The following SH3PXD2A variants were observed in gnomAD, a reference collection of about 807,000 sequenced individuals.
SH3PXD2A encodes the protein SH3 and PX domains 2A.
A neutral mutation model predicts 115.2 loss-of-function variants in SH3PXD2A; 32 were observed. The observed-to-expected ratio is 0.28, with a 90% CI of 0.21 to 0.37. SH3PXD2A has a LOEUF of 0.37. SH3PXD2A is among the 10% of genes least tolerant of loss of function. The pLI is 1.00. For synonymous variants in SH3PXD2A, 610 were observed against 629.1 expected, an observed-to-expected ratio of 0.97 and a Z score of 0.45; for missense variants, 1,328 against 1,498.7, an observed-to-expected ratio of 0.89 and a Z score of 1.88.
At chr10:103,615,483 G>GGAGT (rs1237824774) in intron 11 of SH3PXD2A, among the ~76,000 whole-genome samples, 1 of 128,524 alleles carries the variant, frequency 7.8e-6, no homozygotes, top group East Asian at 2.3e-4. Flanking sequence ...AGAGTGCGAG[G>GGAGT]GTGTGTGTGT....
intron 1 of SH3PXD2A, among the ~76,000 whole-genome samples, chr10:103,819,102 C>T (rs531469319): frequency 3.3e-5 from 5 of 152,310 alleles, no homozygotes; most frequent in African/African-American, 4.8e-5. Flanking sequence ...AGTCCAGTCC[C>T]GTCAAGAAGG....
intron 14 of SH3PXD2A, among the ~76,000 whole-genome samples, chr10:103,604,345 C>T (rs1322447094): frequency 6.6e-6 from 1 of 152,212 alleles, no homozygotes; most frequent in African/African-American, 2.4e-5. Context: ...TTACTGGAAT[C>T]CCACTGAAAT....
chr10:103,770,509 C>T (rs1486214701), intron 2 of SH3PXD2A, among the ~76,000 whole-genome samples: 1 of 152,224 alleles, frequency 6.6e-6, no homozygotes, highest in Non-Finnish European at 1.5e-5. Context: ...GACACGTCAG[C>T]ATTCTCAATC....
intron 4 of SH3PXD2A, among the ~76,000 whole-genome samples, chr10:103,730,561 T>C (rs569742167): frequency 5.3e-5 from 8 of 152,114 alleles, no homozygotes; most frequent in Non-Finnish European, 1.2e-4. Flanking sequence ...GAGCAGCGAC[T>C]CCCCTTGAAA....
At chr10:103,659,332 G>C (rs1036208222) in intron 8 of SH3PXD2A, among the ~76,000 whole-genome samples, 1 of 152,162 alleles carries the variant, frequency 6.6e-6, no homozygotes, top group African/African-American at 2.4e-5. Flanking sequence ...AGGCAGGCGT[G>C]GTGGGAGAAC....
At chr10:103,773,359 A>G (rs1290340617) in intron 2 of SH3PXD2A, among the ~76,000 whole-genome samples, 2 of 152,104 alleles carry the variant, frequency 1.3e-5, no homozygotes, top group Non-Finnish European at 1.5e-5. Context: ...CCTGTGTTAC[A>G]TGCAGGGGAC....
intron 1 of SH3PXD2A, among the ~76,000 whole-genome samples, chr10:103,840,069 G>T (rs1395491218): frequency 6.6e-6 from 1 of 152,368 alleles, no homozygotes; most frequent in Admixed American, 6.5e-5. Flanking sequence ...TGACAGACTG[G>T]CAGAGGCAGA....
At chr10:103,630,021 G>A (rs2036755086) in intron 8 of SH3PXD2A, among the ~76,000 whole-genome samples, 2 of 152,206 alleles carry the variant, frequency 1.3e-5, no homozygotes, top group Non-Finnish European at 2.9e-5. Flanking sequence ...CAATTCCCCT[G>A]CCTTTTGCCT....
At chr10:103,668,694 CCA>C in intron 6 of SH3PXD2A, 42 bp from the exon 7 acceptor site, 5 of 1,415,364 alleles carry the variant, frequency 3.5e-6, no homozygotes, top group Non-Finnish European at 4.6e-6. Flanking sequence ...GAGAGGAGAA[CCA>C]GAGAGAGAGA....
intron 7 of SH3PXD2A, chr10:103,661,528 C>T (rs2037302795): frequency 1.4e-5 from 6 of 433,378 alleles, no homozygotes; most frequent in Non-Finnish European, 1.8e-5. Flanking sequence ...CCGGCAGGGG[C>T]ATCGGGGAGG....
At chr10:103,729,124 G>T (rs1206014763) in intron 4 of SH3PXD2A, among the ~76,000 whole-genome samples, 1 of 152,076 alleles carries the variant, frequency 6.6e-6, no homozygotes, top group Non-Finnish European at 1.5e-5. Context: ...TCGAACTCCT[G>T]ACCTCAAGTA....
intron 7 of SH3PXD2A, chr10:103,662,017 C>T (rs1312496587): frequency 1.1e-6 from 1 of 934,784 alleles, no homozygotes; most frequent in Non-Finnish European, 1.3e-6. Flanking sequence ...GGCCTGCCCC[C>T]AGCCCTGCTT....
chr10:103,718,894 C>T (rs535374922), intron 5 of SH3PXD2A, among the ~76,000 whole-genome samples: 6 of 152,188 alleles, frequency 3.9e-5, no homozygotes, highest in Non-Finnish European at 5.9e-5. Flanking sequence ...TAAATCCTAA[C>T]GCCCAAGGTG....
intron 8 of SH3PXD2A, 22 bp downstream of exon 8, chr10:103,660,961 G>A (rs1460897342): frequency 1.9e-6 from 3 of 1,613,086 alleles, no homozygotes; most frequent in Non-Finnish European, 2.5e-6. Context: ...CCCAGTGGAC[G>A]GCCATTGGCC....
rs142382313 is a variant in SH3PXD2A, at chr10:103,602,120, G to A, written c.3098C>T (p.Ala1033Val). Residue 1033 changes from alanine (A) to valine (V), a missense_variant, in exon 15 of 15, where the codon GCC (alanine) becomes GTC (valine). Around this residue, in one of 5 missense-constraint regions of SH3PXD2A, gnomAD observed 574 missense variants for 565.7 expected, o/e 1.01. Coordinates refer to ENST00000369774, the MANE Select transcript of SH3PXD2A (RefSeq NM_001394015.1). Reference sequence around the variant, plus strand: ...TGAACCCTGGCTGGCAGCCCGTTCGGCCAGGCGGCCCTTGGCCTCGGCGGC... The same window carrying A: ...TGAACCCTGGCTGGCAGCCCGTTCGACCAGGCGGCCCTTGGCCTCGGCGGC... Reference protein sequence around the residue: ...SAAAEAKGRLAERAASQGSDS... With the variant: ...SAAAEAKGRLVERAASQGSDS... The A allele has an allele frequency of 3.2e-6, 5 of 1,586,452 alleles. No individual in the cohort carries two copies. Among genetic ancestry groups the A allele is most frequent in the Non-Finnish European group, 4.3e-6 (5 of 1,163,882 alleles).
chr10:103,650,696 G>A (rs1185485281), intron 8 of SH3PXD2A, among the ~76,000 whole-genome samples: 1 of 152,140 alleles, frequency 6.6e-6, no homozygotes, highest in Non-Finnish European at 1.5e-5. Context: ...CCCTGTCTCT[G>A]AGCAAACTTG....
Position 103,767,803 on chromosome 10 carries a change from C to CTGTTT in SH3PXD2A, c.154-639_154-635dup, listed in dbSNP as rs1415278747. 3.4e-3 allele frequency among the ~76,000 whole-genome samples: 378 copies of CTGTTT among 111,250 alleles called. 4 individuals carry two copies. Among genetic ancestry groups the CTGTTT allele is most frequent in the African/African-American group, 0.013 (319 of 24,086 alleles). The allele number at this position is 111,250 out of a possible 152,430, so 73.0% of individuals were successfully genotyped here. A position where few individuals can be genotyped will look rare whatever the true frequency, so the allele number is the denominator to read the frequency against. On this transcript the variant is annotated intron_variant, in intron 2 of 14. Coordinates refer to ENST00000369774, the MANE Select transcript of SH3PXD2A (RefSeq NM_001394015.1). ...AGTTTCCAGGGTTCTGGAGGAACAA[C>CTGTTT]TGTTTTGTTTTTTTTTTTTTTTTTT...
chr10:103,793,868 A>G lies in SH3PXD2A; in HGVS notation c.153+7414T>C, dbSNP rs573949143. 3.9e-5 allele frequency among the ~76,000 whole-genome samples: 6 copies of G among 152,368 alleles called. No homozygotes were observed. The South Asian group carries it at 1.2e-3, about 32-fold the overall frequency. On this transcript the variant is annotated intron_variant, in intron 2 of 14. Transcript: ENST00000369774. ...GCTTTCAGGTTGGTTCTTGGCACAC[A>G]CTGGGATCACCCCAGGTTGATCTCA...
chr10:103,739,778 T>C (rs2038423749), intron 3 of SH3PXD2A, among the ~76,000 whole-genome samples: 1 of 152,110 alleles, frequency 6.6e-6, no homozygotes, highest in Non-Finnish European at 1.5e-5. Flanking sequence ...CAGGATTAAC[T>C]CAGTCCTGAA....
Sources: gnomAD v4.1 joint callset for allele counts (sites outside exome capture counted in the v4.1 genomes callset) on GRCh38, gnomAD v4.1.1 for gene constraint, gnomAD v4.1.1 regional missense constraint, MANE v1.5 for transcripts, NCBI Gene and HGNC (gene_info 2026-07-23, HGNC 2026-07-21) for gene names.